The following XPA variants were observed in gnomAD, a reference collection of about 807,000 sequenced individuals.
XPA encodes the protein DNA repair protein complementing XP-A cells.
Under a neutral mutation model 35.7 loss-of-function variants are expected in XPA, and 27 were observed. That is an observed-to-expected ratio of 0.76 (90% CI 0.56 to 1.04). XPA has a LOEUF of 1.04. Ranked by LOEUF, XPA falls within the 50% of genes least tolerant of loss-of-function variation. The pLI is 0.00. For synonymous variants in XPA, 133 were observed against 118.4 expected (o/e 1.12, Z -0.80); for missense variants, 354 against 342.7 (o/e 1.03, Z -0.26).
In XPA at chr9:97,678,326, G is replaced by A. The variant is rs545349717; in HGVS notation, c.674-2739C>T. On this transcript the variant is annotated intron_variant, in intron 5 of 5. Coordinates refer to ENST00000375128, the MANE Select transcript of XPA (RefSeq NM_000380.4). ...TGAGACAGGAGAATCGCATGAACCC[G>A]GGAGGTGAAGGTTGCAGTGAGCTGA... Among the ~76,000 whole-genome samples, 8 of 152,154 alleles carry A rather than the reference G, an allele frequency of 5.3e-5. No homozygotes were observed. The South Asian group carries it at 1.0e-3, about 20-fold the overall frequency.
At chr9:97,665,049 G>A in the XPA span, among the ~76,000 whole-genome samples, 1 of 152,192 alleles carries the variant, frequency 6.6e-6, no homozygotes, top group Non-Finnish European at 1.5e-5. Flanking sequence ...GATAGGACCA[G>A]GGCAGCAGGA....
At chr9:97,657,964 G>A in the XPA span, among the ~76,000 whole-genome samples, 4 of 136,256 alleles carry the variant, frequency 2.9e-5, no homozygotes, top group African/African-American at 8.1e-5. Flanking sequence ...GCCATTCATT[G>A]AGCATTCCCT....
chr9:97,674,307 G>A (rs1469746207), downstream of XPA, among the ~76,000 whole-genome samples: 1 of 145,826 alleles, frequency 6.9e-6, no homozygotes, highest in Non-Finnish European at 1.5e-5. Flanking sequence ...CATTGAGTGT[G>A]AAGGTGTTTA....
downstream of XPA, chr9:97,670,013 C>T (rs1160723828): frequency 9.7e-6 from 4 of 412,310 alleles, no homozygotes; most frequent in African/African-American, 6.2e-5. Context: ...ACCTCCACCT[C>T]CTAGGTTTAA....
chr9:97,654,773 C>A, the XPA span: 2 of 951,046 alleles, frequency 2.1e-6, no homozygotes, highest in Non-Finnish European at 1.6e-6. Flanking sequence ...AGATGTTCAG[C>A]ATTATTAATC....
intron 3 of XPA, 82 bp from the exon 4 acceptor site, chr9:97,687,343 C>A: frequency 8.0e-7 from 1 of 1,249,456 alleles, no homozygotes; most frequent in Non-Finnish European, 1.1e-6. Context: ...CTTAGGGGCA[C>A]ACACAGCAAA....
downstream of XPA, chr9:97,672,294 A>C (rs1462548415): frequency 6.6e-6 from 1 of 152,242 alleles, no homozygotes; most frequent in Non-Finnish European, 1.5e-5. Context: ...GTGCATTTGC[A>C]CAAAATAGGT....
chr9:97,672,223 T>A (rs890728289), downstream of XPA: 1 of 152,210 alleles, frequency 6.6e-6, no homozygotes, highest in Admixed American at 6.5e-5. Flanking sequence ...ATTTTTAGAC[T>A]TTTTTCATTA....
chr9:97,664,321 A>T, the XPA span: 1 of 1,497,680 alleles, frequency 6.7e-7, no homozygotes, highest in South Asian at 1.1e-5. Context: ...GATTTACTTG[A>T]ATAATTCTCT....
At chr9:97,665,584 G>A in the XPA span, among the ~76,000 whole-genome samples, 12 of 152,322 alleles carry the variant, frequency 7.9e-5, no homozygotes, top group Admixed American at 7.2e-4. Context: ...CCCCTCCAGA[G>A]TTAAAGTGCT....
At chr9:97,681,183 C>T (rs1383142565) in intron 5 of XPA, among the ~76,000 whole-genome samples, 1 of 152,090 alleles carries the variant, frequency 6.6e-6, no homozygotes. Context: ...CATGGAAACC[C>T]AATGCTGCTT....
downstream of XPA, among the ~76,000 whole-genome samples, chr9:97,674,419 T>A (rs1466539851): frequency 2.0e-5 from 3 of 152,126 alleles, no homozygotes; most frequent in East Asian, 5.8e-4. Context: ...ATAATCTCCA[T>A]TAAAGAAAAA....
chr9:97,655,090 T>C, the XPA span: 1 of 556,132 alleles, frequency 1.8e-6, no homozygotes, highest in Non-Finnish European at 3.0e-6. Flanking sequence ...ATAACCAGAC[T>C]CATACTTAAT....
chr9:97,684,910 T>C lies in XPA; in HGVS notation c.673+13A>G. On this transcript the variant is annotated intron_variant, in intron 5 of 5. Transcript: ENST00000375128. ...AAACACAATCCTTCACGATATAAAA[T>C]GTGGCCATCTACCTTTTACTTTTTT... 1 of 1,590,750 alleles carries C rather than the reference T, an allele frequency of 6.3e-7. No homozygotes were observed.
chr9:97,666,015 A>T, the XPA span, among the ~76,000 whole-genome samples: 1 of 152,160 alleles, frequency 6.6e-6, no homozygotes, highest in Non-Finnish European at 1.5e-5. Flanking sequence ...GGTTGGTCTT[A>T]TTGACTCAGG....
At chr9:97,684,869 T>C in intron 5 of XPA, 54 bp downstream of exon 5, 1 of 1,479,432 alleles carries the variant, frequency 6.8e-7, no homozygotes, top group Non-Finnish European at 9.4e-7. Flanking sequence ...AGCTAAAGGC[T>C]TTTTGCAAAA....
the XPA span, chr9:97,661,122 C>T: frequency 6.3e-7 from 1 of 1,595,212 alleles, no homozygotes; most frequent in South Asian, 1.1e-5. Flanking sequence ...CAACTTAAAG[C>T]ATAAACATAA....
chr9:97,684,490 T>C (rs1032417199), intron 5 of XPA, among the ~76,000 whole-genome samples: 2 of 152,186 alleles, frequency 1.3e-5, no homozygotes, highest in African/African-American at 4.8e-5. Context: ...TTTGGTCATA[T>C]ATAAAATAAA....
chr9:97,667,840 T>C, the XPA span, among the ~76,000 whole-genome samples: 1 of 152,212 alleles, frequency 6.6e-6, no homozygotes, highest in Non-Finnish European at 1.5e-5. Context: ...AGGCTGCACA[T>C]ATTTATATAA....
Sources: allele counts gnomAD v4.1 joint callset (sites outside exome capture counted in the v4.1 genomes callset), GRCh38; gene constraint gnomAD v4.1.1; transcripts MANE v1.5; gene names NCBI Gene and HGNC (gene_info 2026-07-23, HGNC 2026-07-21).